Variants in TLK2 observed in about 807,000 individuals in gnomAD.
The protein encoded by TLK2 is serine/threonine-protein kinase tousled-like 2.
A neutral mutation model predicts 117.3 loss-of-function variants in TLK2; 6 were observed. The observed-to-expected ratio is 0.05, with a 90% confidence interval of 0.03 to 0.10. TLK2 has a LOEUF of 0.10. Ranked by LOEUF, TLK2 falls within the 10% of genes least tolerant of loss-of-function variation. The pLI is 1.00. For synonymous variants in TLK2, 257 were observed against 316.7 expected (o/e 0.81, Z 2.00); for missense variants, 299 against 901.2 (o/e 0.33, Z 8.56).
intron 2 of TLK2, among the ~76,000 whole-genome samples, chr17:62,506,751 A>AT (rs1292872161): frequency 6.6e-6 from 1 of 152,126 alleles, no homozygotes; most frequent in Non-Finnish European, 1.5e-5. Flanking sequence ...TAATTTAAAT[A>AT]TTGAATTTGT....
chr17:62,541,426 C>A lies in TLK2; in HGVS notation c.531+5089C>A, dbSNP rs542719910. ...TTATAGAAGGACTGGTTAAATGAAT[C>A]GTAATATATTTGTACAGTGGAATGC... On this transcript the variant is annotated intron_variant, in intron 7 of 21. Transcript: ENST00000346027. Among the ~76,000 whole-genome samples the A allele has an allele frequency of 3.3e-5, 5 of 151,400 alleles. No individual in the cohort carries two copies. In the South Asian group the frequency reaches 8.4e-4, roughly 25 times the overall value.
chr17:62,580,724 A>G (rs1225305625), intron 15 of TLK2, among the ~76,000 whole-genome samples: 2 of 152,200 alleles, frequency 1.3e-5, no homozygotes, highest in African/African-American at 4.8e-5. Context: ...TTTTTACCAA[A>G]TGAGGGATTC....
chr17:62,592,692 G>A (rs2082167982), intron 16 of TLK2, among the ~76,000 whole-genome samples: 1 of 152,204 alleles, frequency 6.6e-6, no homozygotes, highest in South Asian at 2.1e-4. Context: ...GGGACAGGGG[G>A]AGATGGTTTC....
intron 16 of TLK2, among the ~76,000 whole-genome samples, chr17:62,594,723 A>G (rs987826835): frequency 3.3e-5 from 5 of 152,130 alleles, no homozygotes; most frequent in African/African-American, 7.2e-5. Flanking sequence ...GCCAGAGCCT[A>G]TATCAGCAGC....
chr17:62,558,243 C>T (rs557482965), intron 9 of TLK2, among the ~76,000 whole-genome samples: 1 of 151,842 alleles, frequency 6.6e-6, no homozygotes, highest in South Asian at 2.1e-4. Flanking sequence ...AATCACAGCT[C>T]ACTGCAGCCT....
chr17:62,519,012 T>C (rs1298977815), intron 2 of TLK2, among the ~76,000 whole-genome samples: 2 of 152,160 alleles, frequency 1.3e-5, no homozygotes, highest in Non-Finnish European at 2.9e-5. Flanking sequence ...AGCCTCCAAG[T>C]AGCTGGGACC....
At chr17:62,577,336 A>AT (rs1413173950) in intron 13 of TLK2, among the ~76,000 whole-genome samples, 1 of 152,164 alleles carries the variant, frequency 6.6e-6, no homozygotes, top group Non-Finnish European at 1.5e-5. Flanking sequence ...CTATCAGCAG[A>AT]TAATTCTGTA....
chr17:62,477,886 T>TA (rs1373689747), upstream of TLK2: 2 of 152,074 alleles, frequency 1.3e-5, no homozygotes. Flanking sequence ...TCTTGGCACT[T>TA]ACCCTCAGAC....
At position 62,493,196 on chromosome 17, in the gene TLK2, G is replaced by A. The variant is rs183021452; in HGVS notation, c.81+11990G>A. 2.2e-4 allele frequency among the ~76,000 whole-genome samples: 33 copies of A among 152,272 alleles called. No individual in the cohort carries two copies. The East Asian group carries it at 6.4e-3, about 29-fold the overall frequency. On this transcript the variant is annotated intron_variant, in intron 2 of 21. Coordinates refer to ENST00000346027, the MANE Select transcript of TLK2 (RefSeq NM_006852.6). Reference sequence around the variant, plus strand: ...CATCTCTGTGAATTTGACTACTCTAGGTACTAATGTGAATGAAATCATAGC... The same window carrying A: ...CATCTCTGTGAATTTGACTACTCTAAGTACTAATGTGAATGAAATCATAGC...
At chr17:62,492,781 A>G (rs540389167) in intron 2 of TLK2, among the ~76,000 whole-genome samples, 3 of 152,058 alleles carry the variant, frequency 2.0e-5, no homozygotes, top group Admixed American at 1.3e-4. Flanking sequence ...ATCTTCCCAA[A>G]TCGTAACTCC....
intron 6 of TLK2, among the ~76,000 whole-genome samples, chr17:62,532,227 T>C (rs2076789963): frequency 6.6e-6 from 1 of 152,196 alleles, no homozygotes; most frequent in South Asian, 2.1e-4. Flanking sequence ...CTGTATAGTT[T>C]TTTTCCCCCC....
At chr17:62,571,939 G>A (rs1276067213) in intron 11 of TLK2, among the ~76,000 whole-genome samples, 1 of 152,016 alleles carries the variant, frequency 6.6e-6, no homozygotes, top group Non-Finnish European at 1.5e-5. Flanking sequence ...AGGCTGAGGC[G>A]GGTGGATCAC....
rs1230785563 is a variant in TLK2, at chr17:62,498,390, C to CCTT, written c.81+17184_81+17185insCTT. On this transcript the variant is annotated intron_variant, in intron 2 of 21. Transcript: ENST00000346027. The stretch of plus-strand genomic sequence containing the variant: ...GTTGATAGTGTCGTAGAAAGCCCCC[C>CCTT]TTTTTTTTTTTTTTTTTGAGACAAA... Among the ~76,000 whole-genome samples, 5 of 142,848 alleles carry CCTT rather than the reference C, an allele frequency of 3.5e-5. 1 individual carries two copies. The highest frequency in any genetic ancestry group is 6.2e-5 in the Non-Finnish European group (4 of 64,822). The allele number at this position is 142,848 out of a possible 152,430, so 93.7% of individuals were successfully genotyped here.
At chr17:62,505,217 A>T (rs1423948624) in intron 2 of TLK2, among the ~76,000 whole-genome samples, 1 of 152,096 alleles carries the variant, frequency 6.6e-6, no homozygotes, top group African/African-American at 2.4e-5. Context: ...CACAGCTGAT[A>T]TGTCAAAATG....
intron 2 of TLK2, among the ~76,000 whole-genome samples, chr17:62,491,697 T>C (rs1244968942): frequency 2.0e-5 from 3 of 152,238 alleles, no homozygotes; most frequent in Non-Finnish European, 4.4e-5. Flanking sequence ...CAAGCAATTC[T>C]GCCTCAGCCT....
At chr17:62,517,614 C>T (rs527637845) in intron 2 of TLK2, among the ~76,000 whole-genome samples, 36 of 151,282 alleles carry the variant, frequency 2.4e-4, no homozygotes, top group Admixed American at 2.0e-3. Context: ...GATCTCCTGA[C>T]ATTGTGATCC....
chr17:62,548,236 A>ATGTGTGTGTG (rs759563217), intron 7 of TLK2, among the ~76,000 whole-genome samples: 33 of 31,182 alleles, frequency 1.1e-3, no homozygotes, highest in South Asian at 8.0e-3. Context: ...CCATATATAT[A>ATGTGTGTGTG]TATATGTGTG....
chr17:62,526,124 A>G lies in TLK2; in HGVS notation c.363+1793A>G, dbSNP rs558190663. ...TATATGAATGTGGCTGAGCCTCATC[A>G]TCATGCAAATCTGAGTATAGATGAG... On this transcript the variant is annotated intron_variant, in intron 6 of 21. Transcript: ENST00000346027. Among the ~76,000 whole-genome samples the G allele has an allele frequency of 3.9e-5, 6 of 152,344 alleles. 1 individual carries two copies. In the South Asian group the frequency reaches 1.2e-3, roughly 32 times the overall value.
chr17:62,549,418 A>AAAAAAAAAAAAAAAGT (rs1567898062), intron 7 of TLK2, among the ~76,000 whole-genome samples: 1 of 8,536 alleles, frequency 1.2e-4, no homozygotes, highest in African/African-American at 1.6e-4. Flanking sequence ...AAAAAAAAAA[A>AAAAAAAAAAAAAAAGT]AAAAAAAAAA....
Sources: allele counts gnomAD v4.1 joint callset (sites outside exome capture counted in the v4.1 genomes callset), GRCh38; gene constraint gnomAD v4.1.1; transcripts MANE v1.5; gene names NCBI Gene and HGNC (gene_info 2026-07-23, HGNC 2026-07-21).